The following TNFSF11 variants were observed in gnomAD, a reference collection of about 807,000 sequenced individuals.
TNFSF11 encodes tumor necrosis factor ligand superfamily member 11.
TNFSF11 carries 12 observed loss-of-function variants against 32.2 expected under a neutral mutation model. That is an observed-to-expected ratio of 0.37 (90% CI 0.24 to 0.60). The LOEUF (loss-of-function observed/expected upper bound fraction) is 0.60. TNFSF11 is among the 20% of genes least tolerant of loss of function. The probability of loss-of-function intolerance (pLI) is 0.66; values close to 1 mark genes in which losing one functional copy is unlikely to be tolerated. For synonymous variants in TNFSF11, 172 were observed against 152.1 expected (o/e 1.13, Z -0.96); for missense variants, 345 against 398.0 (o/e 0.87, Z 1.13).
intron 1 of TNFSF11, among the ~76,000 whole-genome samples, chr13:42,580,219 C>T (rs1413475599): frequency 6.6e-6 from 1 of 152,170 alleles, no homozygotes; most frequent in African/African-American, 2.4e-5. Flanking sequence ...TATTGTTACC[C>T]TTTACTTCAC....
intron 2 of TNFSF11, among the ~76,000 whole-genome samples, chr13:42,582,058 A>G (rs1189337363): frequency 6.6e-6 from 1 of 152,222 alleles, no homozygotes; most frequent in Admixed American, 6.5e-5. Context: ...ACCTGTGTGT[A>G]CGTTATATAC....
intron 1 of TNFSF11, among the ~76,000 whole-genome samples, chr13:42,578,152 T>C (rs1332122186): frequency 1.3e-5 from 2 of 152,258 alleles, no homozygotes; most frequent in Admixed American, 1.3e-4. Flanking sequence ...GATATGCCCA[T>C]TTCTGATTGT....
rs141722259 is a variant in TNFSF11 at position 42,594,905 on chromosome 13, G to T, written c.388-5847G>T. Among the ~76,000 whole-genome samples, 317 of 151,870 alleles carry T rather than the reference G, an allele frequency of 2.1e-3. 3 individuals are homozygous for T. Among genetic ancestry groups the T allele is most frequent in the African/African-American group, 7.3e-3 (303 of 41,390 alleles). On this transcript the variant is annotated intron_variant, in intron 2 of 4. Transcript: ENST00000398795. ...CTTTGTTTCCTGCAGAAGAAATTGT[G>T]TAATCCCAGCATTTTTTTATGAGTT...
At chr13:42,588,559 A>C (rs1008560148) in intron 2 of TNFSF11, among the ~76,000 whole-genome samples, 2 of 152,182 alleles carry the variant, frequency 1.3e-5, no homozygotes, top group African/African-American at 4.8e-5. Context: ...GATAGATTGG[A>C]TTGTTCTACC....
At chr13:42,570,958 G>C (rs74056013), upstream of TNFSF11, among the ~76,000 whole-genome samples, 1,260 of 151,956 alleles carry the variant, frequency 8.3e-3, 20 homozygotes, top group African/African-American at 0.029. Flanking sequence ...ACTAATCACG[G>C]TTTTGTTAGT....
chr13:42,576,157 C>T (rs936388299), intron 1 of TNFSF11, among the ~76,000 whole-genome samples: 2 of 152,224 alleles, frequency 1.3e-5, no homozygotes, highest in South Asian at 2.1e-4. Context: ...CTAACACCTT[C>T]GGGATATGGC....
rs905130240 is a variant in TNFSF11 at position 42,607,517 on chromosome 13, C to T, written c.*599C>T. 1 of 152,640 alleles carries T rather than the reference C, an allele frequency of 6.6e-6. No individual in the cohort carries two copies. Among genetic ancestry groups the T allele is most frequent in the Non-Finnish European group, 1.5e-5 (1 of 68,054 alleles). The allele number at this position is 152,640 out of a possible 1,614,324, so 9.5% of individuals were successfully genotyped here. A position where few individuals can be genotyped will look rare whatever the true frequency, so the allele number is the denominator to read the frequency against. ...TGACATATTTAATGTTTTAAATGTA[C>T]AGACATATTTAACTGGTGCACTTTG... On this transcript the variant is annotated 3_prime_UTR_variant, in exon 5 of 5. Transcript: ENST00000398795.
intron 2 of TNFSF11, among the ~76,000 whole-genome samples, chr13:42,582,848 A>G (rs1873683749): frequency 6.6e-6 from 1 of 152,222 alleles, no homozygotes; most frequent in Non-Finnish European, 1.5e-5. Context: ...TATCTCTTAA[A>G]TACTGAGTAA....
In TNFSF11 at chr13:42,581,695, C is replaced by T. The variant is rs116091489; in HGVS notation, c.387+402C>T. Among the ~76,000 whole-genome samples, 222 of 152,198 alleles carry T rather than the reference C, an allele frequency of 1.5e-3. 1 individual carries two copies. Among genetic ancestry groups the T allele is most frequent in the African/African-American group, 5.2e-3 (215 of 41,530 alleles). ...TCCTTTCTGTTTGGCTTCGTAATGGCAGGGCCCCTTATTCCACATCTGTTG... is the reference window on the plus strand; with the variant it reads ...TCCTTTCTGTTTGGCTTCGTAATGGTAGGGCCCCTTATTCCACATCTGTTG... On this transcript the variant is annotated intron_variant, in intron 2 of 4. Transcript: ENST00000398795.
intron 2 of TNFSF11, 116 bp from the exon 3 acceptor site, chr13:42,600,635 TG>T: frequency 8.9e-7 from 1 of 1,120,680 alleles, no homozygotes; most frequent in Non-Finnish European, 1.3e-6. Flanking sequence ...AATGTTACTA[TG>T]GCACCTTTGG....
chr13:42,599,325 C>G (rs991658272), intron 2 of TNFSF11, among the ~76,000 whole-genome samples: 1 of 141,422 alleles, frequency 7.1e-6, no homozygotes, highest in Admixed American at 7.2e-5. Flanking sequence ...ATCTATCTAT[C>G]TATCTATCTA....
At chr13:42,586,770 A>G (rs1281195289) in intron 2 of TNFSF11, among the ~76,000 whole-genome samples, 1 of 152,232 alleles carries the variant, frequency 6.6e-6, no homozygotes, top group Non-Finnish European at 1.5e-5. Context: ...GAGTCTCTAA[A>G]GACTTAACTG....
chr13:42,606,994 A>G lies in TNFSF11; in HGVS notation c.*76A>G, dbSNP rs1869497362. ...TTAAAACAAGCCAAGAAAGATGTATATAGGTGTGTGAGACTACTAAGAGGC... is the reference window on the plus strand; with the variant it reads ...TTAAAACAAGCCAAGAAAGATGTATGTAGGTGTGTGAGACTACTAAGAGGC... On this transcript the variant is annotated 3_prime_UTR_variant, in exon 5 of 5. Coordinates refer to ENST00000398795, the MANE Select transcript of TNFSF11 (RefSeq NM_003701.4). The G allele has an allele frequency of 1.3e-6, 2 of 1,591,916 alleles. No homozygotes were observed. Among genetic ancestry groups the G allele is most frequent in the African/African-American group, 1.3e-5 (1 of 74,568 alleles).
At position 42,575,477 on chromosome 13, in the gene TNFSF11, AT is replaced by A. The variant is rs113501805; in HGVS notation, c.219+964del. On this transcript the variant is annotated intron_variant, in intron 1 of 4. Transcript: ENST00000398795. ...AGAGGAAGTGGGGGGCTGACTGTGC[AT>A]TTTTTTTTATGGGAAAAGAAAGTTG... Among the ~76,000 whole-genome samples the A allele has an allele frequency of 8.7e-4, 131 of 150,866 alleles. 2 individuals carry two copies. The highest frequency in any genetic ancestry group is 1.9e-3 in the African/African-American group (79 of 41,194).
At position 42,595,012 on chromosome 13, in the gene TNFSF11, A is replaced by G. The variant is rs1868721437; in HGVS notation, c.388-5740A>G. On this transcript the variant is annotated intron_variant, in intron 2 of 4. Transcript: ENST00000398795. ...AAATGTACTCTGACAGCAAAGATGA[A>G]AAGTTAATGCAGTCTAAATAGAAAA... Among the ~76,000 whole-genome samples the G allele has an allele frequency of 2.0e-5, 3 of 152,254 alleles. No homozygotes were observed. In the South Asian group the frequency reaches 6.2e-4, roughly 31 times the overall value.
chr13:42,600,818 C>G, intron 3 of TNFSF11, 21 bp downstream of exon 3: 1 of 1,613,890 alleles, frequency 6.2e-7, no homozygotes, highest in Non-Finnish European at 8.5e-7. Context: ...ATCCATACAT[C>G]TGTATGAAAT....
chr13:42,592,033 G>C (rs958327435), intron 2 of TNFSF11, among the ~76,000 whole-genome samples: 1 of 152,154 alleles, frequency 6.6e-6, no homozygotes, highest in Non-Finnish European at 1.5e-5. Context: ...AGGGGATTTC[G>C]GAGTGGTAAC....
intron 1 of TNFSF11, 45 bp downstream of exon 1, chr13:42,574,567 C>G: frequency 6.3e-7 from 1 of 1,583,222 alleles, no homozygotes; most frequent in Non-Finnish European, 8.5e-7. Flanking sequence ...GAGCGCCCAT[C>G]TCCTTCCCCC....
upstream of TNFSF11, among the ~76,000 whole-genome samples, chr13:42,572,041 A>C (rs1344353850): frequency 1.3e-5 from 2 of 152,248 alleles, no homozygotes; most frequent in Non-Finnish European, 2.9e-5. Context: ...CAAAGGAATA[A>C]GTAAATACAT....
Sources: gnomAD v4.1 joint callset for allele counts (sites outside exome capture counted in the v4.1 genomes callset) on GRCh38, gnomAD v4.1.1 for gene constraint, MANE v1.5 for transcripts, NCBI Gene and HGNC (gene_info 2026-07-23, HGNC 2026-07-21) for gene names.